Variants in MYO1E observed in about 807,000 individuals in gnomAD.
MYO1E encodes the protein myosin IE, also known as unconventional myosin-Ie.
In MYO1E, 68 loss-of-function variants were observed where a neutral mutation model predicts 151.1. The ratio of observed to expected loss-of-function variants is 0.45; its 90% CI spans 0.37 to 0.55. The LOEUF (loss-of-function observed/expected upper bound fraction) is 0.55, where lower values mean the gene tolerates loss of function less well. Among genes scored for constraint, MYO1E ranks in the 20% least tolerant of loss-of-function variants. The pLI is 0.00. For synonymous variants in MYO1E, 601 were observed against 501.7 expected (o/e 1.20, Z -2.64); for missense variants, 1,363 against 1,389.3 (o/e 0.98, Z 0.30).
intron 1 of MYO1E, among the ~76,000 whole-genome samples, chr15:59,280,700 A>G (rs2080348388): frequency 1.3e-5 from 2 of 151,660 alleles, no homozygotes; most frequent in South Asian, 2.1e-4. Flanking sequence ...ATTTTTCAAT[A>G]CTGTAAATAA....
chr15:59,228,466 T>C (rs1048907530), intron 6 of MYO1E, among the ~76,000 whole-genome samples: 4 of 152,002 alleles, frequency 2.6e-5, no homozygotes, highest in Non-Finnish European at 1.5e-5. Context: ...CGAGACTCTG[T>C]CCAAAAACCA....
chr15:59,358,713 CTGACA>C (rs2080868331), intron 1 of MYO1E, among the ~76,000 whole-genome samples: 1 of 152,166 alleles, frequency 6.6e-6, no homozygotes, highest in Admixed American at 6.5e-5. Context: ...CTTTATGTCC[CTGACA>C]TATTTATTTG....
At chr15:59,228,288 C>T (rs1157115717) in intron 6 of MYO1E, among the ~76,000 whole-genome samples, 2 of 152,102 alleles carry the variant, frequency 1.3e-5, no homozygotes, top group Middle Eastern at 3.4e-3. Flanking sequence ...TCGCAACCAG[C>T]CTGGTCAACA....
chr15:59,201,133 G>A, intron 16 of MYO1E, among the ~76,000 whole-genome samples: 1 of 150,278 alleles, frequency 6.7e-6, no homozygotes, highest in Non-Finnish European at 1.5e-5. Flanking sequence ...TTGGAGACAG[G>A]GTCTCGTTCT....
rs16941116 is a variant in MYO1E at position 59,186,441 on chromosome 15, A to G, written c.1904+1677T>C. ...ACATTATATCCAGCCCCTGCATAAT[A>G]TATCAGGAAGATGTAATTGTTTCTG... On this transcript the variant is annotated intron_variant, in intron 18 of 27. Coordinates refer to ENST00000288235, the MANE Select transcript of MYO1E (RefSeq NM_004998.4). Among the ~76,000 whole-genome samples the G allele has an allele frequency of 7.0e-3, 1,070 of 152,162 alleles. 13 individuals are homozygous for G. The highest frequency in any genetic ancestry group is 0.024 in the African/African-American group (997 of 41,498).
rs140388346 is a variant in MYO1E at position 59,153,610 on chromosome 15, G to A, written c.3060C>T (p.Val1020=). The A allele has an allele frequency of 3.6e-5, 58 of 1,614,028 alleles. No individual in the cohort carries two copies. The highest frequency in any genetic ancestry group is 1.5e-4 in the Admixed American group (9 of 59,998). Residue 1020 remains valine, a synonymous_variant, in exon 26 of 28, where the codon GTC becomes GTT. Coordinates refer to ENST00000288235, the MANE Select transcript of MYO1E (RefSeq NM_004998.4). ...CTTACCCTGCAGCTCCCTGGTCCGG[G>A]ACCTTGAGGAAATCCAGGCTCTCTG... The part of the protein sequence containing the change: ...QTPESLDFLK[V]PDQGAAGVRR...
In MYO1E at chr15:59,236,654, T is replaced by C; in HGVS notation, c.351A>G (p.Gly117=). 6 of 1,613,932 alleles carry C rather than the reference T, an allele frequency of 3.7e-6. No homozygotes were observed. Among genetic ancestry groups the C allele is most frequent in the South Asian group, 1.1e-5 (1 of 91,074 alleles). Residue 117 remains glycine (G), a synonymous_variant, in exon 5 of 28, where the codon GGA becomes GGG. Transcript: ENST00000288235. Reference sequence around the variant, plus strand: ...TGATATATTTGGCAGCCACTGTTTTTCCAGCACCACTTTCACCACTAAAGA... The same window carrying C: ...TGATATATTTGGCAGCCACTGTTTTCCCAGCACCACTTTCACCACTAAAGA... ...CVIISGESGA[G]KTVAAKYIMS...
intron 23 of MYO1E, among the ~76,000 whole-genome samples, chr15:59,161,905 T>C (rs2140311016): frequency 6.6e-6 from 1 of 152,366 alleles, no homozygotes; most frequent in Middle Eastern, 3.4e-3. Context: ...ATCATAATTT[T>C]AAGTAGCTGC....
intron 22 of MYO1E, 56 bp from the exon 23 acceptor site, chr15:59,163,359 T>C (rs919087321): frequency 9.0e-6 from 14 of 1,551,064 alleles, no homozygotes; most frequent in Admixed American, 1.9e-5. Flanking sequence ...GTTTACTCTA[T>C]TGTTTTTTTT....
chr15:59,342,708 T>C (rs1416775798), intron 1 of MYO1E, among the ~76,000 whole-genome samples: 1 of 152,234 alleles, frequency 6.6e-6, no homozygotes, highest in Non-Finnish European at 1.5e-5. Flanking sequence ...CCTTCTTTCC[T>C]ATCTTCCTTT....
chr15:59,261,645 C>G, intron 2 of MYO1E, 136 bp from the exon 3 acceptor site: 1 of 656,308 alleles, frequency 1.5e-6, no homozygotes, highest in East Asian at 2.8e-5. Flanking sequence ...TAAAAGATTA[C>G]AAGTAAAGAC....
At chr15:59,294,401 T>C (rs1331068533) in intron 1 of MYO1E, among the ~76,000 whole-genome samples, 2 of 152,234 alleles carry the variant, frequency 1.3e-5, no homozygotes, top group African/African-American at 4.8e-5. Flanking sequence ...CACTACTTCC[T>C]ATTCCAAATA....
intron 1 of MYO1E, among the ~76,000 whole-genome samples, chr15:59,315,738 C>T (rs1474416700): frequency 2.0e-5 from 3 of 152,142 alleles, no homozygotes; most frequent in African/African-American, 7.2e-5. Context: ...TCACATTAAC[C>T]TCTTCCTTGA....
At chr15:59,265,792 TAAAA>T (rs59957325) in intron 2 of MYO1E, among the ~76,000 whole-genome samples, 19 of 106,308 alleles carry the variant, frequency 1.8e-4, no homozygotes, top group East Asian at 1.6e-3. Flanking sequence ...CCCATCTCCT[TAAAA>T]AAAAAAAAAA....
Position 59,133,097 on chromosome 15 carries a change from C to G in MYO1E, c.*4283G>C, listed in dbSNP as rs2079354052. ...TGGAGAAAATGATTAAAAGCACAGG[C>G]CTTTTGGGCACAGTGGCTCATGCTT... On this transcript the variant is annotated 3_prime_UTR_variant, in exon 28 of 28. Transcript: ENST00000288235. The G allele has an allele frequency of 6.6e-6, 1 of 152,320 alleles. No homozygotes were observed. The highest frequency in any genetic ancestry group is 2.1e-4 in the South Asian group (1 of 4,826). 9.4% of individuals were successfully genotyped at this position (152,320 alleles called of 1,614,324 possible).
intron 5 of MYO1E, among the ~76,000 whole-genome samples, chr15:59,232,086 G>C (rs1305547249): frequency 6.6e-6 from 1 of 152,168 alleles, no homozygotes; most frequent in Non-Finnish European, 1.5e-5. Context: ...ATTGATTGCT[G>C]CAACTTCACC....
intron 14 of MYO1E, chr15:59,207,820 A>G: frequency 6.2e-7 from 1 of 1,614,226 alleles, no homozygotes; most frequent in Non-Finnish European, 8.5e-7. Flanking sequence ...TATTAAAATG[A>G]AAGGTTATAC....
intron 4 of MYO1E, among the ~76,000 whole-genome samples, chr15:59,242,502 C>T (rs556235773): frequency 1.1e-4 from 16 of 152,156 alleles, no homozygotes; most frequent in South Asian, 2.1e-4. Flanking sequence ...CGAAAGTAAA[C>T]GAGTCAATCA....
At chr15:59,235,184 G>A (rs2080055028) in intron 5 of MYO1E, among the ~76,000 whole-genome samples, 1 of 151,536 alleles carries the variant, frequency 6.6e-6, no homozygotes, top group Admixed American at 6.6e-5. Flanking sequence ...TCCTTTCTCT[G>A]TCTACGTCCT....
Sources: gnomAD v4.1 joint callset for allele counts (sites outside exome capture counted in the v4.1 genomes callset) on GRCh38, gnomAD v4.1.1 for gene constraint, MANE v1.5 for transcripts, NCBI Gene and HGNC (gene_info 2026-07-23, HGNC 2026-07-21) for gene names.